C17orf107: variants seen among roughly 807,000 people sequenced by gnomAD.
C17orf107 encodes the protein chromosome 17 open reading frame 107, also known as uncharacterized protein C17orf107.
In C17orf107, 9 loss-of-function variants were observed where a neutral mutation model predicts 8.9. The ratio of observed to expected loss-of-function variants is 1.02; its 90% CI spans 0.61 to 1.77. C17orf107 has a LOEUF of 1.77. C17orf107 is among the 40% of genes most tolerant of loss of function. The pLI, the probability that C17orf107 is intolerant of heterozygous loss-of-function variation, is 0.00. For synonymous variants in C17orf107, 139 were observed against 120.3 expected, an observed-to-expected ratio of 1.16 and a Z score of -1.02; for missense variants, 281 against 249.0, an observed-to-expected ratio of 1.13 and a Z score of -0.86.
downstream of C17orf107, chr17:4,903,101 CAGGCTTGGAGG>C: frequency 1.9e-6 from 3 of 1,612,988 alleles, no homozygotes; most frequent in Non-Finnish European, 2.5e-6. Flanking sequence ...TGAGCTCTGG[CAGGCTTGGAGG>C]GGGCATGCCA....
Position 4,901,742 on chromosome 17 carries a change from C to CA in C17orf107, c.*1211dup. On this transcript the variant is annotated 3_prime_UTR_variant, in exon 3 of 3. Coordinates refer to ENST00000381365, the MANE Select transcript of C17orf107 (RefSeq NM_001145536.2). ...GCGATCCCAAGCCCACCCCTTCACCCAAGCCCAGCCCGCACGCCTCTGTTC... is the reference window on the plus strand; with the variant it reads ...GCGATCCCAAGCCCACCCCTTCACCCAAAGCCCAGCCCGCACGCCTCTGTTC... The CA allele has an allele frequency of 7.9e-7, 1 of 1,269,986 alleles. No individual in the cohort carries two copies. The highest frequency in any genetic ancestry group is 1.2e-5 in the South Asian group (1 of 82,118). 78.7% of individuals were successfully genotyped at this position (1,269,986 alleles called of 1,614,324 possible). A position where few individuals can be genotyped will look rare whatever the true frequency, so the allele number is the denominator to read the frequency against.
At position 4,902,757 on chromosome 17, in the gene C17orf107, C is replaced by G. The variant is rs4790235; in HGVS notation, c.*2224C>G. Reference sequence around the variant, plus strand: ...ACGCAGTTCCTCGTTCTTCCCCACACCCCTGCCTGCGATGGGGTCAAGAAG... The same window carrying G: ...ACGCAGTTCCTCGTTCTTCCCCACAGCCCTGCCTGCGATGGGGTCAAGAAG... On this transcript the variant is annotated 3_prime_UTR_variant, in exon 3 of 3. Transcript: ENST00000381365. This position sits in a 1 kb window ranked among gnomAD's most constrained non-coding sequence, Gnocchi z 4.0. The G allele has an allele frequency of 4.5e-5, 73 of 1,613,920 alleles. No individual in the cohort carries two copies. Among genetic ancestry groups the G allele is most frequent in the Non-Finnish European group, 6.2e-5 (73 of 1,180,012 alleles).
intron 2 of C17orf107, 25 bp downstream of exon 2, chr17:4,900,170 A>T: frequency 1.3e-6 from 2 of 1,546,300 alleles, no homozygotes; most frequent in Non-Finnish European, 1.7e-6. Context: ...GGCTTAGGAT[A>T]CGCGGCGATC....
chr17:4,901,882 A>T lies in C17orf107; in HGVS notation c.*1349A>T. Reference sequence around the variant, plus strand: ...GCTTCCCGGTTGGCCCCGCCCCATAAGGCCCCCCCCCAACAATAATCGTCC... The same window carrying T: ...GCTTCCCGGTTGGCCCCGCCCCATATGGCCCCCCCCCAACAATAATCGTCC... On this transcript the variant is annotated 3_prime_UTR_variant, in exon 3 of 3. Coordinates refer to ENST00000381365, the MANE Select transcript of C17orf107 (RefSeq NM_001145536.2). The T allele has an allele frequency of 3.4e-6, 5 of 1,484,000 alleles. No individual in the cohort carries two copies. The highest frequency in any genetic ancestry group is 4.7e-6 in the Non-Finnish European group (5 of 1,072,794). 91.9% of individuals were successfully genotyped at this position (1,484,000 alleles called of 1,614,324 possible). A position where few individuals can be genotyped will look rare whatever the true frequency, so the allele number is the denominator to read the frequency against.
chr17:4,903,376 G>A (rs1441365108), downstream of C17orf107, among the ~76,000 whole-genome samples: 1 of 152,196 alleles, frequency 6.6e-6, no homozygotes, highest in African/African-American at 2.4e-5. Context: ...CAGGGGGTGG[G>A]AGACACTGCT....
In C17orf107 at chr17:4,901,933, G is replaced by T; in HGVS notation, c.*1400G>T. On this transcript the variant is annotated 3_prime_UTR_variant, in exon 3 of 3. Coordinates refer to ENST00000381365, the MANE Select transcript of C17orf107 (RefSeq NM_001145536.2). Reference sequence around the variant, plus strand: ...GGGCCTCGGAGTAGCTCTTCCCACCGGAAAATAAGCGAACAGTTCTGCCAA... The same window carrying T: ...GGGCCTCGGAGTAGCTCTTCCCACCTGAAAATAAGCGAACAGTTCTGCCAA... 1 of 1,498,486 alleles carries T rather than the reference G, an allele frequency of 6.7e-7. No individual in the cohort carries two copies. Among genetic ancestry groups the T allele is most frequent in the East Asian group, 2.9e-5 (1 of 34,324 alleles). The allele number at this position is 1,498,486 out of a possible 1,614,324, so 92.8% of individuals were successfully genotyped here. A position where few individuals can be genotyped will look rare whatever the true frequency, so the allele number is the denominator to read the frequency against.
chr17:4,902,290 C>T lies in C17orf107; in HGVS notation c.*1757C>T, dbSNP rs1392419204. 1 of 1,614,180 alleles carries T rather than the reference C, an allele frequency of 6.2e-7. No homozygotes were observed. Among genetic ancestry groups the T allele is most frequent in the African/African-American group, 1.3e-5 (1 of 75,038 alleles). On this transcript the variant is annotated 3_prime_UTR_variant, in exon 3 of 3. Coordinates refer to ENST00000381365, the MANE Select transcript of C17orf107 (RefSeq NM_001145536.2). The surrounding 1 kb of genome is among the most constrained non-coding windows in gnomAD (Gnocchi z 4.0). ...CGCAGGGTTTCTATACCCCCAAAGT[C>T]GTCCTTGCTGTAGTTGAGTCGGTAA...
chr17:4,903,323 GT>G (rs1396281723), downstream of C17orf107, among the ~76,000 whole-genome samples: 2 of 151,974 alleles, frequency 1.3e-5, no homozygotes, highest in Non-Finnish European at 2.9e-5. Context: ...AGCCACAGAT[GT>G]GGGCGTCTCC....
chr17:4,901,824 G>A lies in C17orf107; in HGVS notation c.*1291G>A. The stretch of plus-strand genomic sequence containing the variant: ...CCACCCAGTGCCTACGCCTGGCTCC[G>A]CCTCCAGCGCGAAGCCCCGCCCCGA... On this transcript the variant is annotated 3_prime_UTR_variant, in exon 3 of 3. Transcript: ENST00000381365. The A allele has an allele frequency of 2.0e-6, 3 of 1,510,826 alleles. No individual in the cohort carries two copies. The highest frequency in any genetic ancestry group is 2.7e-6 in the Non-Finnish European group (3 of 1,095,754). 93.6% of individuals were successfully genotyped at this position (1,510,826 alleles called of 1,614,324 possible).
rs1969996441 is a variant in C17orf107, at chr17:4,901,834, C to T, written c.*1301C>T. 3.2e-6 allele frequency: 5 copies of T among 1,555,014 alleles called. No individual in the cohort carries two copies. Among genetic ancestry groups the T allele is most frequent in the South Asian group, 2.2e-5 (2 of 88,906 alleles). ...CCTACGCCTGGCTCCGCCTCCAGCG[C>T]GAAGCCCCGCCCCGAGGGCGGTGCT... On this transcript the variant is annotated 3_prime_UTR_variant, in exon 3 of 3. Coordinates refer to ENST00000381365, the MANE Select transcript of C17orf107 (RefSeq NM_001145536.2).
chr17:4,901,182 C>A lies in C17orf107; in HGVS notation c.*649C>A. 1.2e-6 allele frequency: 2 copies of A among 1,604,858 alleles called. No individual in the cohort carries two copies. Among genetic ancestry groups the A allele is most frequent in the Non-Finnish European group, 8.5e-7 (1 of 1,179,032 alleles). On this transcript the variant is annotated 3_prime_UTR_variant, in exon 3 of 3. Coordinates refer to ENST00000381365, the MANE Select transcript of C17orf107 (RefSeq NM_001145536.2). ...CCCGGGCAGAAGTCGATGGCCCACT[C>A]GCCGTTCTCTGCGGGACGGGGGCAC... is the stretch of plus-strand genomic sequence containing the variant.
At chr17:4,904,738 G>A (rs1487045287), downstream of C17orf107, among the ~76,000 whole-genome samples, 1 of 152,090 alleles carries the variant, frequency 6.6e-6, no homozygotes, top group African/African-American at 2.4e-5. Flanking sequence ...AAACACTTTC[G>A]GGTCCATCAC....
At chr17:4,899,903 C>T (rs1490518938) in intron 1 of C17orf107, 33 bp from the exon 2 acceptor site, 2 of 1,548,596 alleles carry the variant, frequency 1.3e-6, no homozygotes, top group Non-Finnish European at 1.7e-6. Context: ...GTGACCCCTG[C>T]CCTGCTACTC....
Position 4,900,719 on chromosome 17 carries a change from C to G in C17orf107, c.*186C>G. On this transcript the variant is annotated 3_prime_UTR_variant, in exon 3 of 3. Transcript: ENST00000381365. The stretch of plus-strand genomic sequence containing the variant: ...GCGGGGCGAGACAGCCAGAGCTTTT[C>G]CCGGGGTCTCTGGGTTTTGGCCACG... 2 of 1,505,304 alleles carry G rather than the reference C, an allele frequency of 1.3e-6. No individual in the cohort carries two copies. The highest frequency in any genetic ancestry group is 1.8e-6 in the Non-Finnish European group (2 of 1,104,530). The allele number at this position is 1,505,304 out of a possible 1,614,324, so 93.2% of individuals were successfully genotyped here.
downstream of C17orf107, among the ~76,000 whole-genome samples, chr17:4,906,646 AG>A (rs1970095749): frequency 2.0e-5 from 3 of 152,284 alleles, no homozygotes; most frequent in African/African-American, 4.8e-5. Context: ...TGAGCCTGGG[AG>A]TTCAAGACCA....
At chr17:4,905,577 C>T (rs956822388), downstream of C17orf107, among the ~76,000 whole-genome samples, 4 of 150,334 alleles carry the variant, frequency 2.7e-5, no homozygotes, top group Non-Finnish European at 4.4e-5. Context: ...ATGAAGTTTC[C>T]GGCTGGATGC....
chr17:4,902,045 G>T lies in C17orf107; in HGVS notation c.*1512G>T, dbSNP rs767908282. On this transcript the variant is annotated 3_prime_UTR_variant, in exon 3 of 3. Coordinates refer to ENST00000381365, the MANE Select transcript of C17orf107 (RefSeq NM_001145536.2). The surrounding 1 kb of genome is among the most constrained non-coding windows in gnomAD (Gnocchi z 4.0). ...ACGTCACGGAGCCGCCCTCGTAGAC[G>T]AGCACGTTGGCGTCGTAGGCCACTC... 1.2e-6 allele frequency: 2 copies of T among 1,613,996 alleles called. No homozygotes were observed. Among genetic ancestry groups the T allele is most frequent in the Non-Finnish European group, 1.7e-6 (2 of 1,180,058 alleles).
Position 4,900,989 on chromosome 17 carries a change from C to T in C17orf107, c.*456C>T. On this transcript the variant is annotated 3_prime_UTR_variant, in exon 3 of 3. Transcript: ENST00000381365. ...GGGGTAGGTTCGGGGCCACTGCTTA[C>T]CCTGCGCCGGCAGGAAGTAGGCGAG... 2 of 1,613,964 alleles carry T rather than the reference C, an allele frequency of 1.2e-6. No individual in the cohort carries two copies. The highest frequency in any genetic ancestry group is 1.7e-6 in the Non-Finnish European group (2 of 1,179,880).
chr17:4,901,315 C>T lies in C17orf107; in HGVS notation c.*782C>T, dbSNP rs1295866671. ...TGGGCCGTCAGGATGGGGGCAATTA[C>T]GGACAGAAAAGGGCATTCTCGTTGA... is the stretch of plus-strand genomic sequence containing the variant. On this transcript the variant is annotated 3_prime_UTR_variant, in exon 3 of 3. Coordinates refer to ENST00000381365, the MANE Select transcript of C17orf107 (RefSeq NM_001145536.2). 4.4e-6 allele frequency: 5 copies of T among 1,127,436 alleles called. No individual in the cohort carries two copies. The highest frequency in any genetic ancestry group is 1.3e-5 in the South Asian group (1 of 75,718). 69.8% of individuals were successfully genotyped at this position (1,127,436 alleles called of 1,614,324 possible). A position where few individuals can be genotyped will look rare whatever the true frequency, so the allele number is the denominator to read the frequency against.
Sources: gnomAD v4.1 joint callset for allele counts (sites outside exome capture counted in the v4.1 genomes callset) on GRCh38, gnomAD v4.1.1 for gene constraint, Gnocchi (gnomAD v3.1) non-coding constraint, MANE v1.5 for transcripts, NCBI Gene and HGNC (gene_info 2026-07-23, HGNC 2026-07-21) for gene names.